The following ST3GAL5 variants were observed in gnomAD, a reference collection of about 807,000 sequenced individuals.
ST3GAL5 encodes lactosylceramide alpha-2,3-sialyltransferase.
In ST3GAL5, 25 loss-of-function variants were observed where a neutral mutation model predicts 46.1. That is an observed-to-expected ratio of 0.54 (90% confidence interval 0.40 to 0.76). The LOEUF (loss-of-function observed/expected upper bound fraction) is 0.76, where lower values mean the gene tolerates loss of function less well. Ranked by LOEUF, ST3GAL5 falls within the 30% of genes least tolerant of loss-of-function variation. The probability of loss-of-function intolerance (pLI) is 0.00; values close to 1 mark genes in which losing one functional copy is unlikely to be tolerated. For synonymous variants in ST3GAL5, 182 were observed against 192.7 expected, an observed-to-expected ratio of 0.94 and a Z score of 0.46; for missense variants, 431 against 521.2, an observed-to-expected ratio of 0.83 and a Z score of 1.69.
chr2:85,860,651 T>G (rs543790282), intron 3 of ST3GAL5, among the ~76,000 whole-genome samples: 1 of 152,166 alleles, frequency 6.6e-6, no homozygotes, highest in East Asian at 1.9e-4. Context: ...GGCGGGAGGA[T>G]AGCTTGAGCC....
chr2:85,888,571 A>C (rs1163201661), intron 1 of ST3GAL5: 4 of 263,122 alleles, frequency 1.5e-5, no homozygotes, highest in Non-Finnish European at 2.9e-5. Flanking sequence ...GGGACCCGAC[A>C]CCCGGCGGTC....
At chr2:85,840,731 G>T (rs1175729923) in intron 6 of ST3GAL5, among the ~76,000 whole-genome samples, 1 of 151,846 alleles carries the variant, frequency 6.6e-6, no homozygotes, top group Non-Finnish European at 1.5e-5. Flanking sequence ...GGATCACGAG[G>T]TCAAGAGTTT....
intron 1 of ST3GAL5, among the ~76,000 whole-genome samples, chr2:85,872,628 C>T (rs1222396826): frequency 1.3e-5 from 2 of 151,762 alleles, no homozygotes; most frequent in African/African-American, 2.4e-5. Flanking sequence ...GGAACGTGCA[C>T]GGGGCCGGCT....
At chr2:85,869,773 G>A (rs1685708427) in intron 1 of ST3GAL5, among the ~76,000 whole-genome samples, 1 of 152,140 alleles carries the variant, frequency 6.6e-6, no homozygotes, top group Admixed American at 6.5e-5. Context: ...AAGCCTCACT[G>A]GGCTTCCAAA....
chr2:85,888,394 C>T (rs930639931), intron 1 of ST3GAL5: 2 of 153,956 alleles, frequency 1.3e-5, no homozygotes, highest in African/African-American at 4.8e-5. Flanking sequence ...CACGCCTCCC[C>T]GATGGATGCA....
chr2:85,879,188 G>A (rs1405077711), intron 1 of ST3GAL5, among the ~76,000 whole-genome samples: 4 of 152,030 alleles, frequency 2.6e-5, no homozygotes, highest in Admixed American at 1.3e-4. Flanking sequence ...GAGGGGTGAC[G>A]GAGGAGCTGA....
intron 3 of ST3GAL5, chr2:85,860,798 C>T (rs541434694): frequency 7.6e-6 from 2 of 262,124 alleles, no homozygotes; most frequent in East Asian, 1.0e-4. Flanking sequence ...CTTGCCACTG[C>T]ACTCAACCCT....
intron 3 of ST3GAL5, among the ~76,000 whole-genome samples, chr2:85,858,551 C>T (rs778085165): frequency 7.2e-5 from 11 of 152,154 alleles, no homozygotes; most frequent in South Asian, 2.1e-4. Flanking sequence ...CCTCATGATC[C>T]GCCCACCTCA....
chr2:85,843,205 C>T (rs1360671860), intron 6 of ST3GAL5, among the ~76,000 whole-genome samples: 2 of 151,918 alleles, frequency 1.3e-5, no homozygotes, highest in African/African-American at 4.8e-5. Flanking sequence ...GTTTTTAGTC[C>T]TCTGCTGTTA....
At chr2:85,855,121 T>A (rs1245182708) in intron 3 of ST3GAL5, 1 of 152,240 alleles carries the variant, frequency 6.6e-6, no homozygotes, top group Non-Finnish European at 1.5e-5. Flanking sequence ...CCAAATCTCA[T>A]CTGGTAGCTC....
intron 3 of ST3GAL5, among the ~76,000 whole-genome samples, chr2:85,859,758 T>C (rs1021435663): frequency 4.6e-5 from 7 of 152,140 alleles, no homozygotes; most frequent in African/African-American, 1.7e-4. Flanking sequence ...AAAATTAGGA[T>C]CAAGAAAGGA....
intron 3 of ST3GAL5, 73 bp from the exon 4 acceptor site, chr2:85,848,277 T>A (rs1214062096): frequency 1.2e-6 from 2 of 1,612,358 alleles, no homozygotes; most frequent in African/African-American, 2.7e-5. Flanking sequence ...TAGATGACAA[T>A]TTGTCCTATG....
Position 85,840,321 on chromosome 2 carries a change from A to G in ST3GAL5, c.1080T>C (p.Gly360=). The stretch of plus-strand genomic sequence containing the variant: ...TGGGTTGATTGAGGTCATATCCAAA[A>G]CCCGCCAAACTGACTTCATCGCACA... ...THLCDEVSLA[G]FGYDLNQPRT... is the part of the protein sequence containing the mutation. Residue 360 remains glycine (G), a synonymous_variant, in exon 7 of 7, where the codon GGT becomes GGC. Coordinates refer to ENST00000638572, the MANE Select transcript of ST3GAL5 (RefSeq NM_003896.4). The G allele has an allele frequency of 6.2e-7, 1 of 1,613,850 alleles. No individual in the cohort carries two copies. The highest frequency in any genetic ancestry group is 1.3e-5 in the African/African-American group (1 of 75,012).
At chr2:85,878,624 T>G (rs550528213) in intron 1 of ST3GAL5, among the ~76,000 whole-genome samples, 1 of 152,350 alleles carries the variant, frequency 6.6e-6, no homozygotes, top group South Asian at 2.1e-4. Context: ...TTTCTTTGTT[T>G]ACCTAACAAT....
chr2:85,863,153 G>A (rs1240964541), intron 2 of ST3GAL5, among the ~76,000 whole-genome samples: 1 of 152,228 alleles, frequency 6.6e-6, no homozygotes, highest in Non-Finnish European at 1.5e-5. Context: ...TGGGCACTGT[G>A]CACTTACCAA....
intron 3 of ST3GAL5, among the ~76,000 whole-genome samples, chr2:85,860,331 G>A (rs537722548): frequency 1.3e-5 from 2 of 152,248 alleles, no homozygotes; most frequent in South Asian, 2.1e-4. Context: ...GACTAAAGGA[G>A]ATAATATATA....
rs75321624 is a variant in ST3GAL5 at position 85,844,344 on chromosome 2, C to T, written c.1008+52G>A. On this transcript the variant is annotated intron_variant, in intron 6 of 6. Transcript: ENST00000638572. ...CAGTTGAGCCAAAGTGAAATTTGTACACATCGCCCCTCAAACAGGGAATGA... is the reference window on the plus strand; with the variant it reads ...CAGTTGAGCCAAAGTGAAATTTGTATACATCGCCCCTCAAACAGGGAATGA... The T allele has an allele frequency of 1.2e-3, 1,899 of 1,612,618 alleles. 25 individuals carry two copies. The African/African-American group carries it at 0.021, about 18-fold the overall frequency.
intron 4 of ST3GAL5, chr2:85,847,590 C>T (rs1051457559): frequency 9.1e-6 from 11 of 1,213,312 alleles, no homozygotes; most frequent in African/African-American, 1.6e-5. Flanking sequence ...GTTTTAAAAG[C>T]GATGTACCCC....
intron 3 of ST3GAL5, among the ~76,000 whole-genome samples, chr2:85,860,732 G>T (rs1684620053): frequency 1.3e-5 from 2 of 151,802 alleles, no homozygotes; most frequent in South Asian, 4.2e-4. Context: ...AATTAGTCAG[G>T]CATGGTGGTG....
Sources: gnomAD v4.1 joint callset for allele counts (sites outside exome capture counted in the v4.1 genomes callset) on GRCh38, gnomAD v4.1.1 for gene constraint, MANE v1.5 for transcripts, NCBI Gene and HGNC (gene_info 2026-07-23, HGNC 2026-07-21) for gene names.